Variants in HEATR5A observed in about 807,000 individuals in gnomAD.
HEATR5A encodes the protein HEAT repeat-containing protein 5A.
A neutral mutation model predicts 218.8 loss-of-function variants in HEATR5A; 178 were observed. The observed-to-expected ratio is 0.81, with a 90% CI of 0.72 to 0.92. The LOEUF (loss-of-function observed/expected upper bound fraction) is 0.92. Ranked by LOEUF, HEATR5A falls within the 40% of genes least tolerant of loss-of-function variation. The pLI, the probability that HEATR5A is intolerant of heterozygous loss-of-function variation, is 0.00. For missense variants in HEATR5A, 2,420 were observed against 2,418.9 expected (o/e 1.00, Z -0.01); for synonymous variants, 864 against 871.6 (o/e 0.99, Z 0.15).
intron 24 of HEATR5A, among the ~76,000 whole-genome samples, chr14:31,323,031 T>C (rs1342753294): frequency 6.6e-6 from 1 of 152,142 alleles, no homozygotes; most frequent in African/African-American, 2.4e-5. Flanking sequence ...TCTATGATAC[T>C]AAAATAATCT....
chr14:31,354,514 T>C (rs1485674039), intron 16 of HEATR5A, among the ~76,000 whole-genome samples: 2 of 152,300 alleles, frequency 1.3e-5, no homozygotes, highest in East Asian at 3.9e-4. Flanking sequence ...TATAGAGATC[T>C]CAACAAAAGA....
chr14:31,320,615 AAT>A, intron 25 of HEATR5A: 1 of 721,676 alleles, frequency 1.4e-6, no homozygotes, highest in South Asian at 1.4e-5. Context: ...AGAAATGAGT[AAT>A]ACCCCGGTGG....
chr14:31,329,276 A>G (rs959636705), intron 22 of HEATR5A, among the ~76,000 whole-genome samples: 2 of 152,206 alleles, frequency 1.3e-5, no homozygotes, highest in African/African-American at 4.8e-5. Flanking sequence ...ACAGTCTCCC[A>G]AAGTCTTAAT....
At position 31,305,078 on chromosome 14, in the gene HEATR5A, A is replaced by C; in HGVS notation, c.5066T>G (p.Leu1689Arg). Residue 1689 changes from leucine (L) to arginine (R), a missense_variant, in exon 32 of 36, where the codon CTG becomes CGG. Leu to Arg is a moderately radical substitution (Grantham distance 102). Coordinates refer to ENST00000543095, the MANE Select transcript of HEATR5A (RefSeq NM_015473.4). ...AACTAGAATGCATACACACAATTCC[A>C]GTGTTGCAAAGACCAAAGACTTTCC... ...VPGKSLVFAT[L>R]ELCVCILVRQ... 6.2e-7 allele frequency: 1 copy of C among 1,614,002 alleles called. No individual in the cohort carries two copies. The highest frequency in any genetic ancestry group is 8.5e-7 in the Non-Finnish European group (1 of 1,179,882).
intron 30 of HEATR5A, 55 bp downstream of exon 30, chr14:31,307,838 T>C (rs1468098810): frequency 1.9e-6 from 3 of 1,567,388 alleles, no homozygotes; most frequent in South Asian, 2.4e-5. Context: ...CCTGAACATG[T>C]TTCTCTTCCT....
intron 4 of HEATR5A, among the ~76,000 whole-genome samples, chr14:31,398,401 G>C (rs915851876): frequency 1.3e-5 from 2 of 152,206 alleles, no homozygotes; most frequent in Non-Finnish European, 2.9e-5. Flanking sequence ...TAAGAGGAGA[G>C]AGTAGGGATG....
At chr14:31,367,569 ATTTTTTTTTTTTTTTT>A (rs567217496) in intron 13 of HEATR5A, among the ~76,000 whole-genome samples, 8 of 60,318 alleles carry the variant, frequency 1.3e-4, no homozygotes, top group Non-Finnish European at 1.9e-4. Context: ...TGCCCAGCTA[ATTTTTTTTTTTTTTTT>A]TTTTTTTTTT....
At chr14:31,363,562 C>T (rs998769281) in intron 14 of HEATR5A, among the ~76,000 whole-genome samples, 2 of 152,054 alleles carry the variant, frequency 1.3e-5, no homozygotes, top group African/African-American at 4.8e-5. Flanking sequence ...GGTTTTGTAA[C>T]CTAAACCTTT....
At chr14:31,320,690 GA>G in intron 25 of HEATR5A, 1 of 479,282 alleles carries the variant, frequency 2.1e-6, no homozygotes, top group African/African-American at 2.0e-5. Context: ...CCCCCACCCG[GA>G]AAATCAACCT....
chr14:31,308,857 A>T, intron 29 of HEATR5A, 77 bp downstream of exon 29: 1 of 1,307,542 alleles, frequency 7.6e-7, no homozygotes, highest in South Asian at 1.5e-5. Flanking sequence ...CCTGGGTGAA[A>T]GAGCAAAACT....
Position 31,303,462 on chromosome 14 carries a change from C to T in HEATR5A, c.5240-943G>A, listed in dbSNP as rs188016389. Among the ~76,000 whole-genome samples, 513 of 152,078 alleles carry T rather than the reference C, an allele frequency of 3.4e-3. 5 individuals carry two copies. The highest frequency in any genetic ancestry group is 3.4e-3 in the Non-Finnish European group (233 of 67,976). ...AACAAACAAACAAAAAACAAAAAAA[C>T]ACCTTTAGCAGAAATATGTTTACCA... On this transcript the variant is annotated intron_variant, in intron 32 of 35. Coordinates refer to ENST00000543095, the MANE Select transcript of HEATR5A (RefSeq NM_015473.4).
chr14:31,404,473 T>C (rs2030987187), intron 1 of HEATR5A, among the ~76,000 whole-genome samples: 2 of 152,122 alleles, frequency 1.3e-5, no homozygotes, highest in South Asian at 4.1e-4. Context: ...ACTTAGAATA[T>C]CAGCTCATCA....
intron 1 of HEATR5A, among the ~76,000 whole-genome samples, chr14:31,409,741 T>C (rs1346383162): frequency 6.6e-6 from 1 of 152,140 alleles, no homozygotes; most frequent in African/African-American, 2.4e-5. Flanking sequence ...TTTTAATTCA[T>C]TTGGAAATGA....
At chr14:31,320,441 G>GT (rs1197823369) in intron 25 of HEATR5A, 7 of 1,341,548 alleles carry the variant, frequency 5.2e-6, no homozygotes, top group Non-Finnish European at 7.5e-6. Flanking sequence ...CTTGGCGGCT[G>GT]TGTCAGTGTC....
At chr14:31,369,397 G>A (rs1372162737) in intron 13 of HEATR5A, among the ~76,000 whole-genome samples, 2 of 152,048 alleles carry the variant, frequency 1.3e-5, no homozygotes, top group Non-Finnish European at 2.9e-5. Flanking sequence ...CAGATCACTT[G>A]AGGCCTGAAG....
chr14:31,370,252 T>A lies in HEATR5A; in HGVS notation c.1961+1558A>T, dbSNP rs562853330. Among the ~76,000 whole-genome samples the A allele has an allele frequency of 4.0e-3, 599 of 151,492 alleles. 4 individuals are homozygous for A. The highest frequency in any genetic ancestry group is 0.014 in the African/African-American group (577 of 41,350). ...AAAAAAAAAAAGGAAGAATTTCTTA[T>A]AAATCAATAACAAAAAGACAACCTA... On this transcript the variant is annotated intron_variant, in intron 13 of 35. Transcript: ENST00000543095.
At chr14:31,364,444 G>C in intron 13 of HEATR5A, 146 bp from the exon 14 acceptor site, 1 of 545,382 alleles carries the variant, frequency 1.8e-6, no homozygotes, top group Non-Finnish European at 3.2e-6. Flanking sequence ...TTTTGAGACA[G>C]GGTCCAGCTC....
rs1047014724 is a variant in HEATR5A, at chr14:31,334,961, A to G, written c.3367+2515T>C. Among the ~76,000 whole-genome samples the G allele has an allele frequency of 3.8e-4, 57 of 150,998 alleles. 1 individual carries two copies. Among genetic ancestry groups the G allele is most frequent in the African/African-American group, 8.7e-4 (36 of 41,304 alleles). Reference sequence around the variant, plus strand: ...ATTCCATCTCAAAAAAAAAAAAAAAAAAAAGAAAAAGAAATCGCCACAGCC... The same window carrying G: ...ATTCCATCTCAAAAAAAAAAAAAAAGAAAAGAAAAAGAAATCGCCACAGCC... On this transcript the variant is annotated intron_variant, in intron 22 of 35. Coordinates refer to ENST00000543095, the MANE Select transcript of HEATR5A (RefSeq NM_015473.4).
chr14:31,353,985 G>A (rs1901328021), intron 16 of HEATR5A, among the ~76,000 whole-genome samples: 1 of 151,966 alleles, frequency 6.6e-6, no homozygotes, highest in South Asian at 2.1e-4. Flanking sequence ...ATTTTTAGTA[G>A]AGACGGGGTT....
Sources: gnomAD v4.1 joint callset for allele counts (sites outside exome capture counted in the v4.1 genomes callset) on GRCh38, gnomAD v4.1.1 for gene constraint, MANE v1.5 for transcripts, NCBI Gene and HGNC (gene_info 2026-07-23, HGNC 2026-07-21) for gene names.